The following COL23A1 variants were observed in gnomAD, a reference collection of about 807,000 sequenced individuals.
COL23A1 encodes the protein collagen type XXIII alpha 1 chain.
Under a neutral mutation model 99.3 loss-of-function variants are expected in COL23A1, and 97 were observed. The ratio of observed to expected loss-of-function variants is 0.98; its 90% confidence interval spans 0.83 to 1.16. COL23A1 has a LOEUF of 1.16. Ranked by LOEUF, COL23A1 falls within the 50% of genes most tolerant of loss-of-function variation. COL23A1 has a pLI of 0.00. For synonymous variants in COL23A1, 320 were observed against 308.2 expected, an observed-to-expected ratio of 1.04 and a Z score of -0.40; for missense variants, 762 against 757.4, an observed-to-expected ratio of 1.01 and a Z score of -0.07.
intron 2 of COL23A1, among the ~76,000 whole-genome samples, chr5:178,487,288 T>TTTTTTTATTTA (rs773272887): frequency 8.6e-6 from 1 of 116,460 alleles, no homozygotes; most frequent in African/African-American, 3.2e-5. Context: ...CCAGCCTCAG[T>TTTTTTTATTTA]TTTATTTATT....
In COL23A1 at chr5:178,589,827, G is replaced by A; in HGVS notation, c.294+77C>T. 8.3e-7 allele frequency: 1 copy of A among 1,205,670 alleles called. No homozygotes were observed. Among genetic ancestry groups the A allele is most frequent in the Non-Finnish European group, 1.0e-6 (1 of 962,670 alleles). 74.7% of individuals were successfully genotyped at this position (1,205,670 alleles called of 1,614,324 possible). On this transcript the variant is annotated intron_variant, in intron 1 of 28. Transcript: ENST00000390654. This position sits in a 1 kb window ranked among gnomAD's most constrained non-coding sequence, Gnocchi z 5.4. ...CCCTCCTCCCAGAGACCTGCACGCT[G>A]CCCCCGGCTCCCAGCGTACCGCCAC...
At chr5:178,558,853 A>G (rs1762411699) in intron 2 of COL23A1, among the ~76,000 whole-genome samples, 1 of 151,562 alleles carries the variant, frequency 6.6e-6, no homozygotes, top group African/African-American at 2.4e-5. Context: ...CAATGGTGCA[A>G]TCTCGGCTCA....
intron 2 of COL23A1, among the ~76,000 whole-genome samples, chr5:178,446,352 A>T (rs947919774): frequency 3.3e-4 from 50 of 152,034 alleles, no homozygotes; most frequent in Admixed American, 3.3e-3. Context: ...TAAACAGAAA[A>T]AGGAAAGAAA....
intron 2 of COL23A1, among the ~76,000 whole-genome samples, chr5:178,394,255 C>G (rs1305912391): frequency 6.6e-6 from 1 of 152,234 alleles, no homozygotes; most frequent in Admixed American, 6.5e-5. Flanking sequence ...ACAGGTTTAA[C>G]CCATGCCCTG....
intron 2 of COL23A1, among the ~76,000 whole-genome samples, chr5:178,418,751 G>A (rs1354680257): frequency 3.3e-5 from 5 of 151,592 alleles, no homozygotes; most frequent in East Asian, 3.8e-4. Context: ...CCTCCAGTCC[G>A]TGCAGCACCC....
At chr5:178,534,935 T>C in intron 2 of COL23A1, among the ~76,000 whole-genome samples, 1 of 152,068 alleles carries the variant, frequency 6.6e-6, no homozygotes, top group Non-Finnish European at 1.5e-5. Context: ...ACACATAATT[T>C]TGCTTAAAAT....
chr5:178,285,174 G>A (rs1208690528), intron 5 of COL23A1, among the ~76,000 whole-genome samples: 2 of 152,104 alleles, frequency 1.3e-5, no homozygotes, highest in African/African-American at 2.4e-5. Context: ...CCTATGCCCC[G>A]TGTCCTCCAG....
intron 2 of COL23A1, among the ~76,000 whole-genome samples, chr5:178,531,577 T>A (rs1044630507): frequency 1.5e-4 from 23 of 152,064 alleles, no homozygotes; most frequent in African/African-American, 5.1e-4. Flanking sequence ...AAGAAGATAA[T>A]CCCCCCGTGT....
chr5:178,256,596 G>C (rs1003092672), intron 14 of COL23A1, among the ~76,000 whole-genome samples, 199 bp from the exon 15 acceptor site: 1 of 152,182 alleles, frequency 6.6e-6, no homozygotes, highest in South Asian at 2.1e-4. Flanking sequence ...ACATCACTTC[G>C]TATAGAGATG....
At chr5:178,582,250 G>A (rs551454849) in intron 1 of COL23A1, among the ~76,000 whole-genome samples, 3 of 150,280 alleles carry the variant, frequency 2.0e-5, no homozygotes, top group Admixed American at 6.6e-5. Context: ...AGAGAAGGAT[G>A]GGCAAGCCAT....
chr5:178,374,846 G>A (rs1469743618), intron 2 of COL23A1, among the ~76,000 whole-genome samples: 2 of 152,284 alleles, frequency 1.3e-5, no homozygotes, highest in South Asian at 2.1e-4. Context: ...GAGTTACCCT[G>A]AGACTCAGAA....
At chr5:178,409,145 C>T (rs1764935073) in intron 2 of COL23A1, among the ~76,000 whole-genome samples, 1 of 151,962 alleles carries the variant, frequency 6.6e-6, no homozygotes, top group African/African-American at 2.4e-5. Context: ...GTAGTAGCCC[C>T]AAATTGGAAA....
chr5:178,538,063 C>G (rs1025690015), intron 2 of COL23A1, among the ~76,000 whole-genome samples: 3 of 152,202 alleles, frequency 2.0e-5, no homozygotes. Context: ...GAGGCTGAAT[C>G]GTATGCTATT....
At chr5:178,522,123 C>A (rs149950828) in intron 2 of COL23A1, among the ~76,000 whole-genome samples, 111 of 152,220 alleles carry the variant, frequency 7.3e-4, no homozygotes, top group African/African-American at 2.6e-3. Context: ...GAACTTTGTG[C>A]CATATAAACA....
intron 2 of COL23A1, among the ~76,000 whole-genome samples, chr5:178,540,584 C>T (rs1761231255): frequency 6.6e-6 from 1 of 152,170 alleles, no homozygotes; most frequent in Admixed American, 6.5e-5. Flanking sequence ...GTAAAGATGT[C>T]ACTCTGTCTA....
intron 10 of COL23A1, 46 bp downstream of exon 10, chr5:178,262,171 C>T (rs1215189679): frequency 6.4e-7 from 1 of 1,558,626 alleles, no homozygotes; most frequent in South Asian, 1.2e-5. Context: ...GGTCTGGGAA[C>T]CATGATCCTA....
chr5:178,270,382 A>G lies in COL23A1; in HGVS notation c.442-19T>C, dbSNP rs749716927. ...GGGGTCCCTGGAAAACGAGAGAGAG[A>G]GAACACAGGTTACACACGGGGATGA... is the stretch of plus-strand genomic sequence containing the variant. On this transcript the variant is annotated intron_variant, in intron 5 of 28. Coordinates refer to ENST00000390654, the MANE Select transcript of COL23A1 (RefSeq NM_173465.4). The G allele has an allele frequency of 1.9e-6, 3 of 1,613,786 alleles. No individual in the cohort carries two copies. Among genetic ancestry groups the G allele is most frequent in the Non-Finnish European group, 1.7e-6 (2 of 1,179,910 alleles).
chr5:178,405,310 T>C (rs1764702314), intron 2 of COL23A1, among the ~76,000 whole-genome samples: 1 of 152,262 alleles, frequency 6.6e-6, no homozygotes, highest in African/African-American at 2.4e-5. Flanking sequence ...GTTACATGTT[T>C]CAACACTTCT....
rs1382924067 is a variant in COL23A1 at position 178,589,519 on chromosome 5, C to T, written c.294+385G>A. 6.6e-6 allele frequency among the ~76,000 whole-genome samples: 1 copy of T among 152,214 alleles called. No homozygotes were observed. Among genetic ancestry groups the T allele is most frequent in the Non-Finnish European group, 1.5e-5 (1 of 68,042 alleles). ...TAGGAACAGTAGGTGCTACTGGTCA[C>T]AGTCACCAGATACTTCCCACGAGCC... On this transcript the variant is annotated intron_variant, in intron 1 of 28. Transcript: ENST00000390654. This position sits in a 1 kb window ranked among gnomAD's most constrained non-coding sequence, Gnocchi z 5.4.
Sources: gnomAD v4.1 joint callset for allele counts (sites outside exome capture counted in the v4.1 genomes callset) on GRCh38, gnomAD v4.1.1 for gene constraint, Gnocchi (gnomAD v3.1) non-coding constraint, MANE v1.5 for transcripts, NCBI Gene and HGNC (gene_info 2026-07-23, HGNC 2026-07-21) for gene names.